Variants in MAP2K1 observed in about 807,000 individuals in gnomAD.
MAP2K1 encodes dual specificity mitogen-activated protein kinase kinase 1.
A neutral mutation model predicts 46.3 loss-of-function variants in MAP2K1; 16 were observed. The ratio of observed to expected loss-of-function variants is 0.35; its 90% CI spans 0.23 to 0.52. The LOEUF (loss-of-function observed/expected upper bound fraction) is 0.52. Among genes scored for constraint, MAP2K1 ranks in the 20% least tolerant of loss-of-function variants. The pLI, the probability that MAP2K1 is intolerant of heterozygous loss-of-function variation, is 0.94. For missense variants in MAP2K1, 263 were observed against 497.1 expected, an observed-to-expected ratio of 0.53 and a Z score of 4.48; for synonymous variants, 183 against 185.6, an observed-to-expected ratio of 0.99 and a Z score of 0.11.
chr15:66,409,876 A>AT (rs2140535841), intron 1 of MAP2K1, among the ~76,000 whole-genome samples: 1 of 152,134 alleles, frequency 6.6e-6, no homozygotes, highest in Admixed American at 6.5e-5. Flanking sequence ...TTTTCTGTAT[A>AT]TTTTTCTATT....
Position 66,436,750 on chromosome 15 carries a change from TTCATCTGGAGA to T in MAP2K1, c.300_310del (p.His100GlnfsTer17). 1 of 1,613,972 alleles carries T rather than the reference TTCATCTGGAGA, an allele frequency of 6.2e-7. No individual in the cohort carries two copies. Among genetic ancestry groups the T allele is most frequent in the Non-Finnish European group, 8.5e-7 (1 of 1,179,808 alleles). ...CTTTCTTCCACCTTTCTCCAGCTAA[TTCATCTGGAGA>T]TCAAACCCGCAATCCGGAACCAGAT... is the stretch of plus-strand genomic sequence containing the variant. On this transcript the variant is annotated frameshift_variant, in exon 3 of 11. Coordinates refer to ENST00000307102, the MANE Select transcript of MAP2K1 (RefSeq NM_002755.4). LOFTEE classifies it high-confidence loss of function.
At chr15:66,480,570 T>TA (rs1221965726) in intron 5 of MAP2K1, among the ~76,000 whole-genome samples, 8 of 150,920 alleles carry the variant, frequency 5.3e-5, no homozygotes, top group South Asian at 2.1e-4. Context: ...ACTCTGTGTC[T>TA]AAAAAAAAAT....
chr15:66,464,617 C>T (rs753138617), intron 5 of MAP2K1, among the ~76,000 whole-genome samples: 10 of 151,952 alleles, frequency 6.6e-5, no homozygotes, highest in African/African-American at 1.2e-4. Context: ...CTCTGCCTTC[C>T]GGGTTCAAGC....
At position 66,420,721 on chromosome 15, in the gene MAP2K1, A is replaced by ATATATATATATATATATATGTG. The variant is rs1461381065; in HGVS notation, c.81-14305_81-14304insATATATATATATATATATGTGT. 1.0e-4 allele frequency among the ~76,000 whole-genome samples: 3 copies of ATATATATATATATATATATGTG among 29,684 alleles called. 1 individual carries two copies. Among genetic ancestry groups the ATATATATATATATATATATGTG allele is most frequent in the African/African-American group, 3.5e-4 (3 of 8,500 alleles). 19.5% of individuals were successfully genotyped at this position (29,684 alleles called of 152,430 possible). ...TTACTCTTGGCATATATATATATATATGTGTGTGTGTGTGTGTGTGTGTGT... is the reference window on the plus strand; with the variant it reads ...TTACTCTTGGCATATATATATATATATATATATATATATATATATGTGTGTGTGTGTGTGTGTGTGTGTGTGT... On this transcript the variant is annotated intron_variant, in intron 1 of 10. Transcript: ENST00000307102.
Position 66,436,048 on chromosome 15 carries a change from G to C in MAP2K1, c.292-698G>C, listed in dbSNP as rs75373395. On this transcript the variant is annotated intron_variant, in intron 2 of 10. Transcript: ENST00000307102. ...GGCTCTTCAATGTTTTTTTGCACAT[G>C]GTGTTCACTCCTGTGCCCATAATTT... Among the ~76,000 whole-genome samples the C allele has an allele frequency of 2.8e-3, 424 of 152,178 alleles. 4 individuals carry two copies. Among genetic ancestry groups the C allele is most frequent in the African/African-American group, 9.7e-3 (401 of 41,502 alleles).
intron 1 of MAP2K1, among the ~76,000 whole-genome samples, chr15:66,429,144 C>T (rs772640257): frequency 4.6e-5 from 7 of 152,080 alleles, no homozygotes; most frequent in Non-Finnish European, 8.8e-5. Context: ...TTATAAAGAA[C>T]TGCACAAGAC....
chr15:66,416,390 CA>C (rs2093424658), intron 1 of MAP2K1, among the ~76,000 whole-genome samples: 1 of 151,898 alleles, frequency 6.6e-6, no homozygotes, highest in Admixed American at 6.6e-5. Flanking sequence ...ACCCACCTTT[CA>C]GACTGCCTTG....
At chr15:66,467,348 C>T (rs1892493422) in intron 5 of MAP2K1, among the ~76,000 whole-genome samples, 1 of 152,168 alleles carries the variant, frequency 6.6e-6, no homozygotes, top group Non-Finnish European at 1.5e-5. Context: ...TTGTTCATTC[C>T]TGGGCATAGA....
intron 8 of MAP2K1, among the ~76,000 whole-genome samples, chr15:66,487,528 A>G (rs1893082960): frequency 6.6e-6 from 1 of 152,062 alleles, no homozygotes. Context: ...AGTCCCAGCT[A>G]CTCGGGAGGC....
intron 5 of MAP2K1, among the ~76,000 whole-genome samples, chr15:66,447,339 G>A (rs190715672): frequency 3.6e-4 from 54 of 152,090 alleles, no homozygotes; most frequent in African/African-American, 1.2e-3. Context: ...TGCAAGTGTT[G>A]GAGGGTGGTT....
intron 1 of MAP2K1, among the ~76,000 whole-genome samples, chr15:66,426,564 GT>G (rs1234993828): frequency 6.6e-6 from 1 of 152,132 alleles, no homozygotes; most frequent in Non-Finnish European, 1.5e-5. Flanking sequence ...TTCTTCTGGG[GT>G]TCAGGAAGAG....
At chr15:66,428,022 A>G (rs776298456) in intron 1 of MAP2K1, among the ~76,000 whole-genome samples, 121 of 152,302 alleles carry the variant, frequency 7.9e-4, no homozygotes, top group Admixed American at 5.5e-3. Flanking sequence ...TCCAAAAAAA[A>G]GAAACCTCTC....
At chr15:66,425,486 C>G (rs2093455793) in intron 1 of MAP2K1, among the ~76,000 whole-genome samples, 1 of 152,114 alleles carries the variant, frequency 6.6e-6, no homozygotes. Flanking sequence ...TGAGAAAAGT[C>G]TCATAGTCAT....
At chr15:66,490,272 C>T in intron 10 of MAP2K1, 1 of 666,978 alleles carries the variant, frequency 1.5e-6, no homozygotes, top group Non-Finnish European at 2.7e-6. Flanking sequence ...CTCCATACTG[C>T]ACGAGTAGGC....
chr15:66,482,910 C>T (rs944663244), intron 6 of MAP2K1, among the ~76,000 whole-genome samples: 8 of 151,278 alleles, frequency 5.3e-5, no homozygotes, highest in East Asian at 1.9e-4. Flanking sequence ...GGGGGACAGG[C>T]GCAGAGGCTC....
intron 1 of MAP2K1, among the ~76,000 whole-genome samples, chr15:66,432,014 A>G (rs1320903908): frequency 6.6e-6 from 1 of 152,208 alleles, no homozygotes; most frequent in African/African-American, 2.4e-5. Context: ...GTTCCCGCAA[A>G]GGACGTGATC....
At chr15:66,421,055 CACACATACACACACACATATAT>C (rs1359568877) in intron 1 of MAP2K1, among the ~76,000 whole-genome samples, 1 of 145,052 alleles carries the variant, frequency 6.9e-6, no homozygotes, top group African/African-American at 2.5e-5. Context: ...TATATATGTA[CACACATACACACACACATATAT>C]ACACATACAC....
rs372452427 is a variant in MAP2K1 at position 66,490,667 on chromosome 15, C to A, written c.*52C>A. The A allele has an allele frequency of 2.2e-6, 3 of 1,357,124 alleles. No homozygotes were observed. The highest frequency in any genetic ancestry group is 3.2e-6 in the Non-Finnish European group (3 of 945,622). 84.1% of individuals were successfully genotyped at this position (1,357,124 alleles called of 1,614,324 possible). On this transcript the variant is annotated 3_prime_UTR_variant, in exon 11 of 11. Coordinates refer to ENST00000307102, the MANE Select transcript of MAP2K1 (RefSeq NM_002755.4). ...TCCCCTGCCCGGTGGTTTGCCATGT[C>A]GCTTTTGGGCCTCCTTCCCATGCCT...
intron 1 of MAP2K1, among the ~76,000 whole-genome samples, chr15:66,423,626 A>T (rs1209769531): frequency 2.8e-4 from 10 of 36,222 alleles, no homozygotes; most frequent in Admixed American, 6.2e-4. Context: ...TTTTTTTTTG[A>T]GATGGAGTTT....
Sources: gnomAD v4.1 joint callset for allele counts (sites outside exome capture counted in the v4.1 genomes callset) on GRCh38, gnomAD v4.1.1 for gene constraint, MANE v1.5 for transcripts, NCBI Gene and HGNC (gene_info 2026-07-23, HGNC 2026-07-21) for gene names.